DLGAP1: variants seen among roughly 807,000 people sequenced by gnomAD.
DLGAP1 encodes disks large-associated protein 1.
In DLGAP1, 11 loss-of-function variants were observed where a neutral mutation model predicts 90.8. The ratio of observed to expected loss-of-function variants is 0.12; its 90% CI spans 0.08 to 0.20. The LOEUF (loss-of-function observed/expected upper bound fraction) is 0.20. Among genes scored for constraint, DLGAP1 ranks in the 10% least tolerant of loss-of-function variants. The pLI, the probability that DLGAP1 is intolerant of heterozygous loss-of-function variation, is 1.00. For synonymous variants in DLGAP1, 558 were observed against 540.7 expected (o/e 1.03, Z -0.44); for missense variants, 1,050 against 1,333.8 (o/e 0.79, Z 3.31).
chr18:3,679,742 C>T (rs2060441539), intron 7 of DLGAP1: 1 of 151,746 alleles, frequency 6.6e-6, no homozygotes, highest in Admixed American at 6.6e-5. Context: ...AGTTTGAGAC[C>T]AGACTGGGCA....
At chr18:3,641,937 G>A (rs1447281179) in intron 7 of DLGAP1, among the ~76,000 whole-genome samples, 2 of 152,150 alleles carry the variant, frequency 1.3e-5, no homozygotes, top group South Asian at 2.1e-4. Flanking sequence ...GCCTTTGGAC[G>A]CTAAATCTCT....
intron 7 of DLGAP1, among the ~76,000 whole-genome samples, chr18:3,617,845 G>C (rs1422048258): frequency 6.6e-6 from 1 of 151,218 alleles, no homozygotes; most frequent in Non-Finnish European, 1.5e-5. Flanking sequence ...GACCAGCCTG[G>C]GCAACATGGT....
rs745940599 is a variant in DLGAP1 at position 3,879,085 on chromosome 18, A to C, written c.957+27T>G. The C allele has an allele frequency of 1.4e-6, 2 of 1,474,840 alleles. No individual in the cohort carries two copies. The highest frequency in any genetic ancestry group is 4.9e-5 in the Admixed American group (2 of 41,000). 91.4% of individuals were successfully genotyped at this position (1,474,840 alleles called of 1,614,324 possible). Reference sequence around the variant, plus strand: ...ACAAGCATGCCAGGTACTACTTCTAAGCCTCCATCATTGACAGAAATGGTA... The same window carrying C: ...ACAAGCATGCCAGGTACTACTTCTACGCCTCCATCATTGACAGAAATGGTA... On this transcript the variant is annotated intron_variant, in intron 4 of 12. Transcript: ENST00000315677. This position sits in a 1 kb window ranked among gnomAD's most constrained non-coding sequence, Gnocchi z 6.6.
intron 7 of DLGAP1, among the ~76,000 whole-genome samples, chr18:3,623,751 TGA>T (rs1401915786): frequency 7.7e-6 from 1 of 130,484 alleles, no homozygotes; most frequent in African/African-American, 3.0e-5. Flanking sequence ...CACCCCAGCC[TGA>T]GAGACAGAGC....
chr18:4,178,785 TAGTA>T (rs1473742545), intron 1 of DLGAP1, among the ~76,000 whole-genome samples: 1 of 152,128 alleles, frequency 6.6e-6, no homozygotes, highest in East Asian at 1.9e-4. Context: ...AAATAATAAA[TAGTA>T]AGTATATATT....
intron 1 of DLGAP1, among the ~76,000 whole-genome samples, chr18:4,235,007 C>CAGAG (rs2078377843): frequency 6.6e-6 from 1 of 152,158 alleles, no homozygotes; most frequent in South Asian, 2.1e-4. Flanking sequence ...AAGAAAATTT[C>CAGAG]AGAGATGACT....
intron 3 of DLGAP1, among the ~76,000 whole-genome samples, chr18:3,908,034 A>G (rs1262195209): frequency 2.0e-5 from 3 of 152,186 alleles, no homozygotes; most frequent in Non-Finnish European, 4.4e-5. Flanking sequence ...CTGCACATAT[A>G]ATCTGTGACT....
chr18:4,338,718 G>A (rs1012331736), intron 1 of DLGAP1, among the ~76,000 whole-genome samples: 1 of 152,184 alleles, frequency 6.6e-6, no homozygotes, highest in Non-Finnish European at 1.5e-5. Context: ...ACAGCAAGGA[G>A]CTGCTTGTTT....
At chr18:4,024,088 T>C (rs2074659904) in intron 2 of DLGAP1, among the ~76,000 whole-genome samples, 1 of 152,242 alleles carries the variant, frequency 6.6e-6, no homozygotes, top group Admixed American at 6.5e-5. Flanking sequence ...TTAAATCTAA[T>C]TTAGAAGTGT....
intron 1 of DLGAP1, among the ~76,000 whole-genome samples, chr18:4,194,761 T>C (rs2077463929): frequency 1.3e-5 from 2 of 152,352 alleles, no homozygotes; most frequent in South Asian, 4.1e-4. Flanking sequence ...TAATAGAGTC[T>C]ATAGGTGTAT....
At chr18:4,111,253 T>A (rs769168799) in intron 2 of DLGAP1, among the ~76,000 whole-genome samples, 52 of 152,324 alleles carry the variant, frequency 3.4e-4, no homozygotes, top group Non-Finnish European at 5.7e-4. Context: ...ATTTCTGAAA[T>A]AAATCCCATT....
At chr18:3,764,359 A>G (rs1399668605) in intron 5 of DLGAP1, among the ~76,000 whole-genome samples, 4 of 152,206 alleles carry the variant, frequency 2.6e-5, no homozygotes, top group African/African-American at 9.6e-5. Flanking sequence ...AACACCAGTG[A>G]TCAGTGATCA....
chr18:4,381,073 C>T lies in DLGAP1; in HGVS notation c.-267+73933G>A, dbSNP rs1004683020. 4.6e-5 allele frequency among the ~76,000 whole-genome samples: 7 copies of T among 152,016 alleles called. No homozygotes were observed. The East Asian group carries it at 1.2e-3, about 25-fold the overall frequency. ...AACTGGCTTATCATACATAGTATCACCCAGGTGGTTAACACTATATATTTT... is the reference window on the plus strand; with the variant it reads ...AACTGGCTTATCATACATAGTATCATCCAGGTGGTTAACACTATATATTTT... On this transcript the variant is annotated intron_variant, in intron 1 of 12. Coordinates refer to ENST00000315677, the MANE Select transcript of DLGAP1 (RefSeq NM_004746.4).
chr18:3,741,575 C>CT (rs1336860210), intron 6 of DLGAP1, among the ~76,000 whole-genome samples: 2 of 151,618 alleles, frequency 1.3e-5, no homozygotes, highest in Non-Finnish European at 2.9e-5. Context: ...ATCATCACTG[C>CT]TACCACCATC....
intron 1 of DLGAP1, among the ~76,000 whole-genome samples, chr18:4,431,333 T>C (rs2083281862): frequency 6.6e-6 from 1 of 152,236 alleles, no homozygotes; most frequent in African/African-American, 2.4e-5. Context: ...CAGTAACTTT[T>C]AGACTTGGGT....
chr18:3,585,818 A>G (rs948294778), intron 7 of DLGAP1, among the ~76,000 whole-genome samples: 3 of 152,200 alleles, frequency 2.0e-5, no homozygotes, highest in Admixed American at 6.5e-5. Context: ...CCCCTCCAAA[A>G]AAAAGCTAGA....
At chr18:4,440,499 T>C (rs1292669548) in intron 1 of DLGAP1, among the ~76,000 whole-genome samples, 1 of 152,224 alleles carries the variant, frequency 6.6e-6, no homozygotes, top group Non-Finnish European at 1.5e-5. Context: ...ACATTACTTT[T>C]ACTAGTATCT....
At chr18:4,408,541 T>C (rs1167056487) in intron 1 of DLGAP1, among the ~76,000 whole-genome samples, 1 of 150,852 alleles carries the variant, frequency 6.6e-6, no homozygotes, top group Non-Finnish European at 1.5e-5. Context: ...AAACATGACG[T>C]TGGTATAAGG....
rs987547977 is a variant in DLGAP1 at position 3,499,025 on chromosome 18, C to A, written c.*160G>T. The A allele has an allele frequency of 1.6e-6, 1 of 629,340 alleles. No individual in the cohort carries two copies. The highest frequency in any genetic ancestry group is 2.6e-6 in the Non-Finnish European group (1 of 380,864). The allele number at this position is 629,340 out of a possible 1,614,324, so 39.0% of individuals were successfully genotyped here. ...ACGGGAAGTGGGGGGCTGAGGGGGGCCCGGGGGGCGGCTCCTGCGAGGTGG... is the reference window on the plus strand; with the variant it reads ...ACGGGAAGTGGGGGGCTGAGGGGGGACCGGGGGGCGGCTCCTGCGAGGTGG... On this transcript the variant is annotated 3_prime_UTR_variant, in exon 13 of 13. Transcript: ENST00000315677. The surrounding 1 kb of genome is among the most constrained non-coding windows in gnomAD (Gnocchi z 6.4).
Sources: allele counts gnomAD v4.1 joint callset (sites outside exome capture counted in the v4.1 genomes callset), GRCh38; gene constraint gnomAD v4.1.1; non-coding constraint Gnocchi (gnomAD v3.1); transcripts MANE v1.5; gene names NCBI Gene and HGNC (gene_info 2026-07-23, HGNC 2026-07-21).